THSD4: variants seen among roughly 807,000 people sequenced by gnomAD.
The protein encoded by THSD4 is thrombospondin type-1 domain-containing protein 4.
A neutral mutation model predicts 119.0 loss-of-function variants in THSD4; 69 were observed. The observed-to-expected ratio is 0.58, with a 90% CI of 0.48 to 0.71. The LOEUF is 0.71. Ranked by LOEUF, THSD4 falls within the 30% of genes least tolerant of loss-of-function variation. The probability of loss-of-function intolerance (pLI) is 0.00; values close to 1 mark genes in which losing one functional copy is unlikely to be tolerated. For synonymous variants in THSD4, 524 were observed against 540.4 expected (o/e 0.97, Z 0.42); for missense variants, 1,393 against 1,391.1 (o/e 1.00, Z -0.02).
chr15:71,238,792 T>C (rs933921912), intron 4 of THSD4, among the ~76,000 whole-genome samples: 2 of 152,226 alleles, frequency 1.3e-5, no homozygotes, highest in African/African-American at 4.8e-5. Flanking sequence ...TGTTTTCATT[T>C]CTCTTGGGCA....
intron 6 of THSD4, among the ~76,000 whole-genome samples, chr15:71,379,361 G>C (rs1006203788): frequency 4.0e-5 from 6 of 150,522 alleles, no homozygotes; most frequent in African/African-American, 1.5e-4. Context: ...TCCTTCGCCA[G>C]CCCTCCATTC....
chr15:71,365,328 C>G (rs1596369828), intron 6 of THSD4, among the ~76,000 whole-genome samples: 1 of 152,052 alleles, frequency 6.6e-6, no homozygotes, highest in Non-Finnish European at 1.5e-5. Context: ...CAGTCTCTAC[C>G]CTTCCTGTCA....
chr15:71,341,074 C>T, intron 6 of THSD4: 1 of 989,656 alleles, frequency 1.0e-6, no homozygotes, highest in Non-Finnish European at 1.5e-6. Flanking sequence ...TGTTGCCTTG[C>T]CTTTTCTTTT....
intron 7 of THSD4, among the ~76,000 whole-genome samples, chr15:71,489,764 G>C (rs576477313): frequency 1.3e-5 from 2 of 152,238 alleles, no homozygotes; most frequent in East Asian, 3.9e-4. Flanking sequence ...CATGAAAGAC[G>C]GGAGAATGCT....
chr15:71,567,745 C>A (rs912326088), intron 7 of THSD4, among the ~76,000 whole-genome samples: 62 of 151,660 alleles, frequency 4.1e-4, no homozygotes, highest in African/African-American at 1.5e-3. Flanking sequence ...ACCAGGGAAG[C>A]CAGAACAGCT....
intron 7 of THSD4, among the ~76,000 whole-genome samples, chr15:71,596,614 T>C (rs2049911632): frequency 6.6e-6 from 1 of 152,254 alleles, no homozygotes; most frequent in Admixed American, 6.5e-5. Context: ...GGGAACTCTT[T>C]GAATTCTAAA....
intron 7 of THSD4, among the ~76,000 whole-genome samples, chr15:71,522,924 G>A (rs961294043): frequency 3.3e-5 from 5 of 152,138 alleles, no homozygotes; most frequent in South Asian, 4.1e-4. Flanking sequence ...TCTGAACCAC[G>A]GCAAAGGGGC....
chr15:71,326,070 G>T (rs1388561521), intron 6 of THSD4, among the ~76,000 whole-genome samples: 1 of 152,212 alleles, frequency 6.6e-6, no homozygotes, highest in Non-Finnish European at 1.5e-5. Flanking sequence ...CTGCAAAGCT[G>T]CCAGGAGCAG....
chr15:71,726,341 G>T (rs2052837443), intron 8 of THSD4, among the ~76,000 whole-genome samples: 1 of 152,192 alleles, frequency 6.6e-6, no homozygotes, highest in South Asian at 2.1e-4. Flanking sequence ...AGAGCTCTGG[G>T]AAGGCCCATT....
At chr15:71,715,515 GA>G (rs570520165) in intron 8 of THSD4, among the ~76,000 whole-genome samples, 134 of 152,206 alleles carry the variant, frequency 8.8e-4, no homozygotes, top group Non-Finnish European at 1.7e-3. Flanking sequence ...GCTTAGAACA[GA>G]AATGGAATTT....
chr15:71,492,282 C>T (rs1007408315), intron 7 of THSD4, among the ~76,000 whole-genome samples: 8 of 151,668 alleles, frequency 5.3e-5, no homozygotes, highest in African/African-American at 1.2e-4. Flanking sequence ...TTTTTATTTT[C>T]GAGATGGAGT....
intron 6 of THSD4, among the ~76,000 whole-genome samples, chr15:71,381,800 A>G (rs947378577): frequency 1.3e-5 from 2 of 152,212 alleles, no homozygotes; most frequent in South Asian, 2.1e-4. Flanking sequence ...TGGAACAGTC[A>G]TCTTAATATC....
intron 7 of THSD4, among the ~76,000 whole-genome samples, chr15:71,568,568 C>CTTT (rs61430926): frequency 5.9e-4 from 81 of 137,882 alleles, no homozygotes; most frequent in East Asian, 1.6e-3. Flanking sequence ...CTCTTTTTCT[C>CTTT]TTTTTTTTTT....
At chr15:71,547,778 G>GAA (rs11424835) in intron 7 of THSD4, 1,000 of 191,290 alleles carry the variant, frequency 5.2e-3, no homozygotes, top group Middle Eastern at 0.015. Context: ...TGCTGTAGCA[G>GAA]AAAAAAAAAA....
rs373097913 is a variant in THSD4 at position 71,746,880 on chromosome 15, C to T, written c.2079C>T (p.Gly693=). ...GGTCTGAGTGCAGCAAGACCTGTGGCCTGGGCATGCAGCACCGCCAGGTTC... is the reference window on the plus strand; with the variant it reads ...GGTCTGAGTGCAGCAAGACCTGTGGTCTGGGCATGCAGCACCGCCAGGTTC... ...GEWSECSKTC[G]LGMQHRQVLC... is the part of the protein sequence containing the mutation. The change falls in exon 13 of 18, where the codon GGC becomes GGT. Residue 693 remains glycine (G), a synonymous_variant. Coordinates refer to ENST00000261862, the MANE Select transcript of THSD4 (RefSeq NM_024817.3). The T allele has an allele frequency of 2.2e-5, 36 of 1,614,004 alleles. 1 individual carries two copies. In the African/African-American group the frequency reaches 3.5e-4, roughly 16 times the overall value.
chr15:71,112,287 CAACTT>C (rs760352209), upstream of THSD4: 100 of 1,504,768 alleles, frequency 6.6e-5, no homozygotes, highest in Middle Eastern at 1.7e-4. Flanking sequence ...CATCATTTAT[CAACTT>C]AACTAGGACA....
chr15:71,456,291 T>C (rs2047338220), intron 7 of THSD4, among the ~76,000 whole-genome samples: 1 of 152,244 alleles, frequency 6.6e-6, no homozygotes, highest in Admixed American at 6.5e-5. Flanking sequence ...AAGTAATGCA[T>C]TTCTTTTTCC....
At chr15:71,219,726 C>A (rs1195105844) in intron 4 of THSD4, among the ~76,000 whole-genome samples, 1 of 152,170 alleles carries the variant, frequency 6.6e-6, no homozygotes, top group African/African-American at 2.4e-5. Context: ...AGTTACACAA[C>A]CCTGTGAGGC....
At chr15:71,528,043 A>C (rs775150483) in intron 7 of THSD4, among the ~76,000 whole-genome samples, 3 of 152,124 alleles carry the variant, frequency 2.0e-5, no homozygotes, top group Non-Finnish European at 2.9e-5. Flanking sequence ...CTTGCCTGAT[A>C]TATCCTAGGT....
Sources: gnomAD v4.1 joint callset for allele counts (sites outside exome capture counted in the v4.1 genomes callset) on GRCh38, gnomAD v4.1.1 for gene constraint, MANE v1.5 for transcripts, NCBI Gene and HGNC (gene_info 2026-07-23, HGNC 2026-07-21) for gene names.